NPAS3: variants seen among roughly 807,000 people sequenced by gnomAD.
The protein encoded by NPAS3 is neuronal PAS domain protein 3.
NPAS3 carries 14 observed loss-of-function variants against 73.1 expected under a neutral mutation model. That is an observed-to-expected ratio of 0.19 (90% CI 0.13 to 0.30). The LOEUF is 0.30. NPAS3 is among the 10% of genes least tolerant of loss of function. NPAS3 has a pLI of 1.00. For missense variants in NPAS3, 1,096 were observed against 1,250.0 expected, an observed-to-expected ratio of 0.88 and a Z score of 1.86; for synonymous variants, 620 against 541.5, an observed-to-expected ratio of 1.14 and a Z score of -2.01.
intron 9 of NPAS3, among the ~76,000 whole-genome samples, chr14:33,781,421 G>C (rs1197153118): frequency 6.6e-6 from 1 of 152,196 alleles, no homozygotes; most frequent in Non-Finnish European, 1.5e-5. Context: ...GTAACAAAAT[G>C]ACAGACCATG....
chr14:33,038,495 CTG>C (rs2040242539), intron 1 of NPAS3, among the ~76,000 whole-genome samples: 1 of 151,596 alleles, frequency 6.6e-6, no homozygotes. Flanking sequence ...GTTAAAGTAT[CTG>C]TCTATTTATA....
chr14:33,116,069 GAGTC>G (rs2043056223), intron 2 of NPAS3, among the ~76,000 whole-genome samples: 1 of 152,048 alleles, frequency 6.6e-6, no homozygotes, highest in African/African-American at 2.4e-5. Context: ...AAAGAAAAAA[GAGTC>G]AGCTTTAAAA....
intron 3 of NPAS3, among the ~76,000 whole-genome samples, chr14:33,316,890 T>C (rs1461044833): frequency 6.6e-6 from 1 of 152,072 alleles, no homozygotes; most frequent in Non-Finnish European, 1.5e-5. Context: ...GACCTCAGAA[T>C]TGTAAAGGAC....
At chr14:33,738,740 C>T (rs1163525495) in intron 7 of NPAS3, among the ~76,000 whole-genome samples, 1 of 152,194 alleles carries the variant, frequency 6.6e-6, no homozygotes, top group African/African-American at 2.4e-5. Flanking sequence ...CCGGACCAGC[C>T]ACTTTTTATG....
intron 5 of NPAS3, among the ~76,000 whole-genome samples, chr14:33,666,088 T>C (rs2047043966): frequency 6.6e-6 from 1 of 152,174 alleles, no homozygotes; most frequent in Non-Finnish European, 1.5e-5. Flanking sequence ...TTGAACCTGT[T>C]CTTTAGTATT....
chr14:33,142,778 C>T (rs2044100656), intron 2 of NPAS3, among the ~76,000 whole-genome samples: 1 of 152,066 alleles, frequency 6.6e-6, no homozygotes, highest in African/African-American at 2.4e-5. Flanking sequence ...TCCTTTTTGT[C>T]CTGGAGAAAA....
chr14:33,602,372 C>A (rs150497121), intron 5 of NPAS3, among the ~76,000 whole-genome samples: 3 of 152,204 alleles, frequency 2.0e-5, no homozygotes, highest in Admixed American at 2.0e-4. Flanking sequence ...AGGGTCTTGT[C>A]GAGCAAGTGG....
intron 3 of NPAS3, among the ~76,000 whole-genome samples, chr14:33,348,728 GGAGCT>G (rs1423781185): frequency 1.3e-5 from 2 of 149,412 alleles, no homozygotes; most frequent in African/African-American, 5.0e-5. Context: ...GCCAAGGCCT[GGAGCT>G]CCCGTTCACA....
intron 4 of NPAS3, among the ~76,000 whole-genome samples, chr14:33,432,183 A>G (rs2048812472): frequency 6.6e-6 from 1 of 152,130 alleles, no homozygotes; most frequent in Non-Finnish European, 1.5e-5. Flanking sequence ...TTCATTGTCA[A>G]CTGTAGTTTC....
chr14:33,643,999 T>C (rs1052178937), intron 5 of NPAS3, among the ~76,000 whole-genome samples: 6 of 152,212 alleles, frequency 3.9e-5, no homozygotes, highest in African/African-American at 1.2e-4. Flanking sequence ...TTGATCTTTA[T>C]GATGTATTTT....
At chr14:33,377,355 C>T (rs1314363807) in intron 4 of NPAS3, among the ~76,000 whole-genome samples, 2 of 152,096 alleles carry the variant, frequency 1.3e-5, no homozygotes, top group Non-Finnish European at 2.9e-5. Context: ...CCTCAACTTG[C>T]TCAGAAAAAA....
intron 3 of NPAS3, among the ~76,000 whole-genome samples, chr14:33,365,183 C>A (rs1477704582): frequency 2.2e-5 from 3 of 135,276 alleles, no homozygotes; most frequent in Non-Finnish European, 3.1e-5. Context: ...TCCCAAAAGC[C>A]ACCCACCCCC....
At chr14:33,384,421 T>A (rs59358152) in intron 4 of NPAS3, among the ~76,000 whole-genome samples, 2,911 of 146,412 alleles carry the variant, frequency 0.02, 78 homozygotes, top group African/African-American at 0.067. Context: ...TGTGTTTTTT[T>A]AAAAAAAAAA....
intron 5 of NPAS3, chr14:33,583,379 T>C (rs2056752015): frequency 6.6e-6 from 1 of 152,194 alleles, no homozygotes; most frequent in African/African-American, 2.4e-5. Flanking sequence ...TCACCTACCA[T>C]GCCTCACAGT....
chr14:33,024,537 G>A (rs921908776), intron 1 of NPAS3, among the ~76,000 whole-genome samples: 4 of 152,136 alleles, frequency 2.6e-5, no homozygotes, highest in Non-Finnish European at 1.5e-5. Context: ...TGAGGAGCAT[G>A]GGTCTGTAAA....
intron 4 of NPAS3, among the ~76,000 whole-genome samples, chr14:33,429,106 T>A (rs2048675903): frequency 6.6e-6 from 1 of 152,122 alleles, no homozygotes; most frequent in Admixed American, 6.6e-5. Flanking sequence ...TGTAAGGATG[T>A]CATGTAGAAG....
chr14:33,419,815 G>A (rs1000356465), intron 4 of NPAS3, among the ~76,000 whole-genome samples: 1 of 151,878 alleles, frequency 6.6e-6, no homozygotes, highest in African/African-American at 2.4e-5. Flanking sequence ...GAAATAATGA[G>A]AGGCTGTGTG....
chr14:33,182,844 G>A (rs902379551), intron 2 of NPAS3, among the ~76,000 whole-genome samples: 22 of 152,176 alleles, frequency 1.4e-4, no homozygotes, highest in African/African-American at 5.1e-4. Flanking sequence ...TTTGGAAACA[G>A]CAATGAATGC....
intron 5 of NPAS3, among the ~76,000 whole-genome samples, chr14:33,664,747 CAT>C (rs1369047498): frequency 6.6e-6 from 1 of 152,192 alleles, no homozygotes; most frequent in Non-Finnish European, 1.5e-5. Flanking sequence ...GGCCAACAAA[CAT>C]ATGAAAAAAG....
Sources: gnomAD v4.1 joint callset for allele counts (sites outside exome capture counted in the v4.1 genomes callset) on GRCh38, gnomAD v4.1.1 for gene constraint, MANE v1.5 for transcripts, NCBI Gene and HGNC (gene_info 2026-07-23, HGNC 2026-07-21) for gene names.